The following ZDHHC15 variants were observed in gnomAD, a reference collection of about 807,000 sequenced individuals.
ZDHHC15 encodes the protein zDHHC palmitoyltransferase 15.
In ZDHHC15, 19 loss-of-function variants were observed where a neutral mutation model predicts 31.7. The observed-to-expected ratio is 0.60, with a 90% CI of 0.42 to 0.88. The LOEUF (loss-of-function observed/expected upper bound fraction) is 0.88. Among genes scored for constraint, ZDHHC15 ranks in the 40% least tolerant of loss-of-function variants. The probability of loss-of-function intolerance (pLI) is 0.00; values close to 1 mark genes in which losing one functional copy is unlikely to be tolerated. For synonymous variants in ZDHHC15, 103 were observed against 90.0 expected, an observed-to-expected ratio of 1.14 and a Z score of -0.82; for missense variants, 209 against 251.2, an observed-to-expected ratio of 0.83 and a Z score of 1.14.
At chrX:75,478,734 G>T (rs1164565240) in intron 3 of ZDHHC15, among the ~76,000 whole-genome samples, 157 bp downstream of exon 3, 1 of 111,197 alleles carries the variant, frequency 9.0e-6, no homozygotes, top group African/African-American at 3.3e-5. Context: ...TCCTTCAATA[G>T]CCTATCCTAC....
chrX:75,517,170 A>T (rs2085371100), intron 1 of ZDHHC15, among the ~76,000 whole-genome samples: 1 of 111,959 alleles, frequency 8.9e-6, no homozygotes, highest in Non-Finnish European at 1.9e-5. Flanking sequence ...ATTGTGGCAG[A>T]CAGTGTGGTG....
chrX:75,370,438 T>C lies in ZDHHC15; in HGVS notation c.*2540A>G, dbSNP rs2082994778. ...CATGGATAGGGATATTATCAGAGTC[T>C]ATAAACCAATGAGACCAAAATGCTA... On this transcript the variant is annotated 3_prime_UTR_variant, in exon 12 of 12. Coordinates refer to ENST00000373367, the MANE Select transcript of ZDHHC15 (RefSeq NM_144969.3). 9.0e-6 allele frequency: 1 copy of C among 111,242 alleles called. No homozygotes were observed. The highest frequency in any genetic ancestry group is 1.9e-5 in the Non-Finnish European group (1 of 53,129). The allele number at this position is 111,242 out of a possible 1,213,427, so 9.2% of individuals were successfully genotyped here.
intron 10 of ZDHHC15, among the ~76,000 whole-genome samples, chrX:75,383,140 G>T (rs186000350): frequency 1.8e-5 from 2 of 112,076 alleles, no homozygotes; most frequent in Admixed American, 1.9e-4. Context: ...GCCAGGATCT[G>T]TCACTTGCTA....
intron 3 of ZDHHC15, among the ~76,000 whole-genome samples, chrX:75,476,602 C>A (rs2084608832): frequency 9.4e-6 from 1 of 106,586 alleles, no homozygotes; most frequent in Non-Finnish European, 1.9e-5. Flanking sequence ...TTTTTCCTCC[C>A]TCCTTCCCTT....
At chrX:75,399,496 T>G (rs898488368) in intron 10 of ZDHHC15, among the ~76,000 whole-genome samples, 1 of 111,814 alleles carries the variant, frequency 8.9e-6, no homozygotes, top group Non-Finnish European at 1.9e-5. Flanking sequence ...ACCCTTCACC[T>G]TGGGCTGACT....
intron 2 of ZDHHC15, among the ~76,000 whole-genome samples, chrX:75,479,242 G>A (rs1203680738): frequency 1.8e-5 from 2 of 111,964 alleles, no homozygotes; most frequent in African/African-American, 3.2e-5. Context: ...TGTCCTTTAT[G>A]ACAATGTAGG....
At chrX:75,412,714 A>G (rs1453117063) in intron 10 of ZDHHC15, among the ~76,000 whole-genome samples, 2 of 111,747 alleles carry the variant, frequency 1.8e-5, no homozygotes, top group Non-Finnish European at 3.8e-5. Context: ...TACAGGTGTG[A>G]GCCACCACGC....
chrX:75,399,430 T>C (rs1333392349), intron 10 of ZDHHC15, among the ~76,000 whole-genome samples: 2 of 111,683 alleles, frequency 1.8e-5, no homozygotes, highest in Non-Finnish European at 3.8e-5. Flanking sequence ...CTCCCACAGG[T>C]CCTAAACACC....
chrX:75,473,045 T>C (rs1450200894), intron 3 of ZDHHC15, among the ~76,000 whole-genome samples: 1 of 112,116 alleles, frequency 8.9e-6, no homozygotes, highest in Non-Finnish European at 1.9e-5. Flanking sequence ...CATGGACTCA[T>C]GGAATCCCTT....
chrX:75,383,800 G>T (rs1360084006), intron 10 of ZDHHC15, among the ~76,000 whole-genome samples: 2 of 81,483 alleles, frequency 2.5e-5, no homozygotes, highest in Non-Finnish European at 4.4e-5. Context: ...GTGCAGTGTT[G>T]CAATCTCGGC....
At chrX:75,415,733 A>G (rs191401049) in intron 10 of ZDHHC15, among the ~76,000 whole-genome samples, 1 of 112,705 alleles carries the variant, frequency 8.9e-6, no homozygotes, top group East Asian at 2.8e-4. Context: ...TAAACTATAA[A>G]ATAACATACT....
At chrX:75,471,562 C>A (rs1282790805) in intron 3 of ZDHHC15, among the ~76,000 whole-genome samples, 1 of 112,340 alleles carries the variant, frequency 8.9e-6, no homozygotes, top group African/African-American at 3.2e-5. Context: ...GCCCCTCCTA[C>A]AACCAAGAAA....
chrX:75,494,778 T>C (rs1260847226), intron 2 of ZDHHC15, among the ~76,000 whole-genome samples: 4 of 111,979 alleles, frequency 3.6e-5, no homozygotes, highest in Non-Finnish European at 7.5e-5. Context: ...ATACAAAAAT[T>C]AATTCAAGAT....
At chrX:75,483,266 G>T (rs763579319) in intron 2 of ZDHHC15, among the ~76,000 whole-genome samples, 44 of 109,968 alleles carry the variant, frequency 4.0e-4, no homozygotes, top group Non-Finnish European at 7.9e-4. Flanking sequence ...AAATTACACA[G>T]ATTTCAGGGG....
chrX:75,472,169 C>A (rs1396970110), intron 3 of ZDHHC15, among the ~76,000 whole-genome samples: 1 of 111,847 alleles, frequency 8.9e-6, no homozygotes, highest in East Asian at 2.8e-4. Flanking sequence ...ACTCCTGCCA[C>A]CTTGCCTTCT....
At chrX:75,519,934 C>A (rs1365869590) in intron 1 of ZDHHC15, among the ~76,000 whole-genome samples, 5 of 111,980 alleles carry the variant, frequency 4.5e-5, no homozygotes, top group African/African-American at 1.6e-4. Context: ...GTTAAGAAAA[C>A]ACTGTGCAGG....
intron 4 of ZDHHC15, among the ~76,000 whole-genome samples, chrX:75,439,311 C>T (rs1025267333): frequency 8.9e-6 from 1 of 111,907 alleles, no homozygotes; most frequent in Admixed American, 9.5e-5. Context: ...TTCAGAATAA[C>T]ATAATCATTT....
At chrX:75,458,071 G>A (rs763119930) in intron 3 of ZDHHC15, among the ~76,000 whole-genome samples, 70 of 111,746 alleles carry the variant, frequency 6.3e-4, no homozygotes, top group Non-Finnish European at 8.8e-4. Flanking sequence ...CAAAACAATG[G>A]AAACAAGTAT....
intron 10 of ZDHHC15, chrX:75,384,208 T>C (rs1298214530): frequency 6.8e-6 from 3 of 438,457 alleles, no homozygotes; most frequent in Non-Finnish European, 7.9e-6. Context: ...ATCCCAAATA[T>C]GTAATCAAAA....
Sources: gnomAD v4.1 joint callset for allele counts (sites outside exome capture counted in the v4.1 genomes callset) on GRCh38, gnomAD v4.1.1 for gene constraint, MANE v1.5 for transcripts, NCBI Gene and HGNC (gene_info 2026-07-23, HGNC 2026-07-21) for gene names.